The following KHDRBS2 variants were observed in gnomAD, a reference collection of about 807,000 sequenced individuals.
KHDRBS2 encodes KH RNA binding domain containing, signal transduction associated 2.
KHDRBS2 carries 26 observed loss-of-function variants against 44.3 expected under a neutral mutation model. That is an observed-to-expected ratio of 0.59 (90% CI 0.43 to 0.81). The LOEUF (loss-of-function observed/expected upper bound fraction) is 0.81. Ranked by LOEUF, KHDRBS2 falls within the 40% of genes least tolerant of loss-of-function variation. KHDRBS2 has a pLI of 0.00. For synonymous variants in KHDRBS2, 194 were observed against 151.1 expected, an observed-to-expected ratio of 1.28 and a Z score of -2.08; for missense variants, 476 against 433.1, an observed-to-expected ratio of 1.10 and a Z score of -0.88.
chr6:61,965,765 C>T lies in KHDRBS2; in HGVS notation c.483+12301G>A, dbSNP rs16868143. On this transcript the variant is annotated intron_variant, in intron 4 of 8. Transcript: ENST00000281156. ...TTTAGAGGATAAGTTAAGGCATTTT[C>T]TTGCAGAGGAGAGTAGAGAGCAATG... Among the ~76,000 whole-genome samples the T allele has an allele frequency of 9.9e-3, 1,507 of 151,958 alleles. 27 individuals are homozygous for T. Among genetic ancestry groups the T allele is most frequent in the African/African-American group, 0.035 (1,448 of 41,474 alleles).
the KHDRBS2 span, among the ~76,000 whole-genome samples, chr6:61,549,041 CAT>C: frequency 1.3e-5 from 2 of 152,058 alleles, no homozygotes; most frequent in East Asian, 3.9e-4. Context: ...TGGTCTAACA[CAT>C]GATTCTGAAA....
chr6:62,135,466 T>A (rs1811308537), intron 2 of KHDRBS2, among the ~76,000 whole-genome samples: 1 of 152,164 alleles, frequency 6.6e-6, no homozygotes, highest in Non-Finnish European at 1.5e-5. Flanking sequence ...GAAAACAGTA[T>A]GGAGATTCCT....
the KHDRBS2 span, among the ~76,000 whole-genome samples, chr6:61,551,041 T>C: frequency 6.6e-6 from 1 of 152,172 alleles, no homozygotes; most frequent in East Asian, 1.9e-4. Context: ...CCCAGGTTGC[T>C]GGGATTACAG....
chr6:61,984,944 G>A (rs1220016072), intron 3 of KHDRBS2, among the ~76,000 whole-genome samples: 1 of 152,200 alleles, frequency 6.6e-6, no homozygotes, highest in Non-Finnish European at 1.5e-5. Context: ...CACAGGCTAT[G>A]TAAATAAACA....
chr6:62,073,834 A>G (rs1005758597), intron 2 of KHDRBS2, among the ~76,000 whole-genome samples: 1 of 151,672 alleles, frequency 6.6e-6, no homozygotes, highest in Non-Finnish European at 1.5e-5. Context: ...GTTGTCAACA[A>G]TCTAAATCAT....
chr6:61,592,973 A>G, the KHDRBS2 span, among the ~76,000 whole-genome samples: 4,351 of 152,276 alleles, frequency 0.029, 208 homozygotes, highest in African/African-American at 0.099. Flanking sequence ...CTAGGCATCT[A>G]TATATGATTT....
intron 6 of KHDRBS2, among the ~76,000 whole-genome samples, chr6:61,824,836 T>C (rs1033369349): frequency 2.0e-5 from 3 of 152,020 alleles, no homozygotes; most frequent in African/African-American, 4.8e-5. Flanking sequence ...TATTTAAATA[T>C]TTACCAGAAA....
intron 4 of KHDRBS2, among the ~76,000 whole-genome samples, chr6:61,937,178 T>C (rs1356924926): frequency 2.6e-5 from 4 of 151,964 alleles, no homozygotes; most frequent in African/African-American, 9.7e-5. Context: ...CTAAATTGTG[T>C]CTGGTTCACC....
the KHDRBS2 span, among the ~76,000 whole-genome samples, chr6:61,551,068 C>G: frequency 1.3e-5 from 2 of 151,978 alleles, no homozygotes; most frequent in African/African-American, 4.8e-5. Context: ...GTCACCATGC[C>G]CATCCAAGTT....
chr6:61,959,735 C>T (rs911344149), intron 4 of KHDRBS2, among the ~76,000 whole-genome samples: 4 of 152,012 alleles, frequency 2.6e-5, no homozygotes, highest in Admixed American at 1.3e-4. Flanking sequence ...GAATGCAATA[C>T]GATATTAGAT....
At chr6:62,159,915 A>T (rs1288143706) in intron 2 of KHDRBS2, among the ~76,000 whole-genome samples, 1 of 152,110 alleles carries the variant, frequency 6.6e-6, no homozygotes, top group African/African-American at 2.4e-5. Context: ...GGTGGAGTTG[A>T]TCTTGCAGTC....
chr6:62,128,696 G>A (rs940289518), intron 2 of KHDRBS2, among the ~76,000 whole-genome samples: 11 of 150,830 alleles, frequency 7.3e-5, no homozygotes, highest in Non-Finnish European at 1.2e-4. Flanking sequence ...TTGATAAATT[G>A]AAGTCATATA....
the KHDRBS2 span, among the ~76,000 whole-genome samples, chr6:61,555,944 G>C: frequency 6.6e-6 from 1 of 152,234 alleles, no homozygotes; most frequent in Admixed American, 6.5e-5. Flanking sequence ...CTAAAGGACA[G>C]TGTTAGCCAA....
intron 6 of KHDRBS2, among the ~76,000 whole-genome samples, chr6:61,743,156 A>G (rs1776383759): frequency 6.6e-6 from 1 of 152,122 alleles, no homozygotes; most frequent in South Asian, 2.1e-4. Context: ...AAAATTAATA[A>G]TATACAATTC....
chr6:61,792,992 T>A (rs1225691065), intron 6 of KHDRBS2, among the ~76,000 whole-genome samples: 4 of 151,258 alleles, frequency 2.6e-5, no homozygotes, highest in Non-Finnish European at 4.4e-5. Context: ...TAATGCAGGG[T>A]TTCCTCCACT....
At chr6:61,553,124 C>T in the KHDRBS2 span, among the ~76,000 whole-genome samples, 1 of 152,152 alleles carries the variant, frequency 6.6e-6, no homozygotes, top group Non-Finnish European at 1.5e-5. Context: ...GTGAGTTCAT[C>T]TGGTTCTGGG....
At chr6:61,544,768 G>T in the KHDRBS2 span, among the ~76,000 whole-genome samples, 56 of 152,104 alleles carry the variant, frequency 3.7e-4, 1 homozygote, top group African/African-American at 1.2e-3. Context: ...TGATGAGTTT[G>T]TGTCCTTTGT....
intron 8 of KHDRBS2, among the ~76,000 whole-genome samples, chr6:61,695,923 T>C (rs1306307875): frequency 6.6e-6 from 1 of 152,118 alleles, no homozygotes; most frequent in Non-Finnish European, 1.5e-5. Flanking sequence ...CATTGTTTCC[T>C]TTTCTCTTCC....
chr6:61,706,328 C>T (rs1472680591), intron 7 of KHDRBS2, among the ~76,000 whole-genome samples: 1 of 151,812 alleles, frequency 6.6e-6, no homozygotes, highest in African/African-American at 2.4e-5. Context: ...CAATAAGAGT[C>T]AACTGTCTGA....
Sources: allele counts gnomAD v4.1 joint callset (sites outside exome capture counted in the v4.1 genomes callset), GRCh38; gene constraint gnomAD v4.1.1; transcripts MANE v1.5; gene names NCBI Gene and HGNC (gene_info 2026-07-23, HGNC 2026-07-21).